The following HS6ST3 variants were observed in gnomAD, a reference collection of about 807,000 sequenced individuals.
The protein encoded by HS6ST3 is heparan sulfate 6-O-sulfotransferase 3.
Under a neutral mutation model 36.7 loss-of-function variants are expected in HS6ST3, and 12 were observed. The observed-to-expected ratio is 0.33, with a 90% CI of 0.21 to 0.53. The LOEUF is 0.53. Among genes scored for constraint, HS6ST3 ranks in the 20% least tolerant of loss-of-function variants. The pLI, the probability that HS6ST3 is intolerant of heterozygous loss-of-function variation, is 0.95. For missense variants in HS6ST3, 584 were observed against 640.9 expected, an observed-to-expected ratio of 0.91 and a Z score of 0.96; for synonymous variants, 240 against 257.5, an observed-to-expected ratio of 0.93 and a Z score of 0.65.
chr13:96,518,839 T>C (rs1403521159), intron 1 of HS6ST3, among the ~76,000 whole-genome samples: 1 of 152,224 alleles, frequency 6.6e-6, no homozygotes, highest in African/African-American at 2.4e-5. Context: ...TGCCTATCCT[T>C]CATTCAAAGT....
At chr13:96,546,473 T>G (rs750269125) in intron 1 of HS6ST3, among the ~76,000 whole-genome samples, 2 of 152,182 alleles carry the variant, frequency 1.3e-5, no homozygotes, top group Non-Finnish European at 2.9e-5. Flanking sequence ...TAAATATGTA[T>G]GGAGGAGTTG....
chr13:96,686,165 G>A (rs946374515), intron 1 of HS6ST3, among the ~76,000 whole-genome samples: 9 of 151,818 alleles, frequency 5.9e-5, no homozygotes, highest in African/African-American at 2.2e-4. Context: ...CCAATTCAGG[G>A]TCTCATTTTC....
At chr13:96,664,802 C>G (rs1474466009) in intron 1 of HS6ST3, among the ~76,000 whole-genome samples, 1 of 152,144 alleles carries the variant, frequency 6.6e-6, no homozygotes, top group East Asian at 1.9e-4. Flanking sequence ...GGACTTTACC[C>G]CATCTCTTAT....
intron 1 of HS6ST3, among the ~76,000 whole-genome samples, chr13:96,639,278 A>C (rs760531508): frequency 6.6e-6 from 1 of 152,104 alleles, no homozygotes; most frequent in African/African-American, 2.4e-5. Flanking sequence ...TCAGTATAAA[A>C]TGTCCTTACT....
chr13:96,673,228 A>T (rs2056688112), intron 1 of HS6ST3, among the ~76,000 whole-genome samples: 1 of 152,186 alleles, frequency 6.6e-6, no homozygotes, highest in Non-Finnish European at 1.5e-5. Context: ...AAGGAGGCTT[A>T]TGATGGCTCT....
chr13:96,548,913 C>T (rs898616757), intron 1 of HS6ST3, among the ~76,000 whole-genome samples: 2 of 152,170 alleles, frequency 1.3e-5, no homozygotes, highest in African/African-American at 4.8e-5. Flanking sequence ...TGGAAGTATA[C>T]AGAATCATGT....
At chr13:96,579,627 A>G (rs1457920440) in intron 1 of HS6ST3, among the ~76,000 whole-genome samples, 1 of 152,220 alleles carries the variant, frequency 6.6e-6, no homozygotes, top group Non-Finnish European at 1.5e-5. Flanking sequence ...AAACAAAAAA[A>G]GAAGTCAACA....
chr13:96,450,289 T>G (rs1440041161), intron 1 of HS6ST3, among the ~76,000 whole-genome samples: 3 of 152,216 alleles, frequency 2.0e-5, no homozygotes, highest in African/African-American at 7.2e-5. Context: ...TTACTTTCTT[T>G]TTTCCCACTG....
intron 1 of HS6ST3, among the ~76,000 whole-genome samples, chr13:96,465,421 C>A (rs897331997): frequency 2.0e-5 from 3 of 152,158 alleles, no homozygotes; most frequent in African/African-American, 7.2e-5. Flanking sequence ...AATTGAAATA[C>A]AGTTTGAGAC....
intron 1 of HS6ST3, among the ~76,000 whole-genome samples, chr13:96,710,111 C>CT (rs2138460127): frequency 6.6e-6 from 1 of 152,296 alleles, no homozygotes; most frequent in South Asian, 2.1e-4. Context: ...TGAATAATCA[C>CT]TTGGTTGTAT....
chr13:96,308,537 T>C (rs1395654820), intron 1 of HS6ST3, among the ~76,000 whole-genome samples: 1 of 152,132 alleles, frequency 6.6e-6, no homozygotes, highest in African/African-American at 2.4e-5. Flanking sequence ...AGCAGACTTA[T>C]GTAAAAGACT....
intron 1 of HS6ST3, among the ~76,000 whole-genome samples, chr13:96,753,352 A>G (rs1876744464): frequency 1.3e-5 from 2 of 152,206 alleles, no homozygotes; most frequent in African/African-American, 2.4e-5. Context: ...ACCCCTGAAC[A>G]TGGTACATCT....
chr13:96,399,723 G>A (rs982209612), intron 1 of HS6ST3, among the ~76,000 whole-genome samples: 6 of 152,366 alleles, frequency 3.9e-5, no homozygotes, highest in African/African-American at 1.4e-4. Flanking sequence ...ACTGGCTGGT[G>A]CCATTGGTCA....
chr13:96,655,876 A>G (rs1054116180), intron 1 of HS6ST3, among the ~76,000 whole-genome samples: 20 of 152,220 alleles, frequency 1.3e-4, no homozygotes, highest in African/African-American at 4.6e-4. Context: ...TCAGGGTTCC[A>G]CTTCTTTCTG....
chr13:96,696,199 T>C (rs1367207767), intron 1 of HS6ST3, among the ~76,000 whole-genome samples: 1 of 152,152 alleles, frequency 6.6e-6, no homozygotes, highest in Non-Finnish European at 1.5e-5. Context: ...GGCTGGAACT[T>C]TCTGGCATGG....
intron 1 of HS6ST3, among the ~76,000 whole-genome samples, chr13:96,389,108 T>G (rs957722952): frequency 6.6e-6 from 1 of 152,134 alleles, no homozygotes; most frequent in Non-Finnish European, 1.5e-5. Context: ...TAATCCATAG[T>G]TTAAAAGTAT....
intron 1 of HS6ST3, among the ~76,000 whole-genome samples, chr13:96,143,402 A>T (rs576797746): frequency 6.7e-6 from 1 of 148,676 alleles, no homozygotes; most frequent in Admixed American, 6.7e-5. Context: ...ATATACTAAT[A>T]TATAAATATA....
chr13:96,114,497 G>T (rs1376346143), intron 1 of HS6ST3, among the ~76,000 whole-genome samples: 1 of 152,150 alleles, frequency 6.6e-6, no homozygotes, highest in Admixed American at 6.5e-5. Flanking sequence ...TAGTGGTTAA[G>T]ATTGTGGATT....
chr13:96,295,765 G>A (rs975399541), intron 1 of HS6ST3, among the ~76,000 whole-genome samples: 2 of 152,096 alleles, frequency 1.3e-5, no homozygotes, highest in African/African-American at 4.8e-5. Flanking sequence ...ACGTTAACAA[G>A]GATGTCTGAT....
Sources: gnomAD v4.1 joint callset for allele counts (sites outside exome capture counted in the v4.1 genomes callset) on GRCh38, gnomAD v4.1.1 for gene constraint, MANE v1.5 for transcripts, NCBI Gene and HGNC (gene_info 2026-07-23, HGNC 2026-07-21) for gene names.